Variants in AP1S3 observed in about 807,000 individuals in gnomAD.
AP1S3 encodes the protein adaptor related protein complex 1 subunit sigma 3, also known as AP-1 complex subunit sigma-3.
A neutral mutation model predicts 20.9 loss-of-function variants in AP1S3; 10 were observed. The ratio of observed to expected loss-of-function variants is 0.48; its 90% CI spans 0.29 to 0.81. The LOEUF (loss-of-function observed/expected upper bound fraction) is 0.81. Among genes scored for constraint, AP1S3 ranks in the 30% least tolerant of loss-of-function variants. The pLI is 0.08. For missense variants in AP1S3, 154 were observed against 183.8 expected (o/e 0.84, Z 0.94); for synonymous variants, 41 against 61.5 (o/e 0.67, Z 1.56).
In AP1S3 at chr2:223,757,632, G is replaced by A. The variant is rs1690252563; in HGVS notation, c.*1083C>T. 1 of 985,160 alleles carries A rather than the reference G, an allele frequency of 1.0e-6. No individual in the cohort carries two copies. The highest frequency in any genetic ancestry group is 1.2e-6 in the Non-Finnish European group (1 of 829,918). The allele number at this position is 985,160 out of a possible 1,614,324, so 61.0% of individuals were successfully genotyped here. ...ATATGTCTGATCACTGTTAGGACCT[G>A]GTTATACAGAATTTTCATTCCAGGA... On this transcript the variant is annotated 3_prime_UTR_variant, in exon 5 of 5. Coordinates refer to ENST00000396654, the MANE Select transcript of AP1S3 (RefSeq NM_001039569.2).
chr2:223,794,042 T>G (rs146394526), intron 1 of AP1S3, among the ~76,000 whole-genome samples: 3 of 152,306 alleles, frequency 2.0e-5, no homozygotes, highest in African/African-American at 7.2e-5. Flanking sequence ...GCTATCACCT[T>G]TGGATTAAAG....
intron 1 of AP1S3, among the ~76,000 whole-genome samples, chr2:223,800,213 T>TAA (rs59645201): frequency 7.5e-6 from 1 of 132,816 alleles, no homozygotes. Context: ...AGATTGCGTC[T>TAA]AAAAAAAAAA....
intron 1 of AP1S3, among the ~76,000 whole-genome samples, chr2:223,798,370 G>T (rs897927613): frequency 6.6e-6 from 1 of 152,150 alleles, no homozygotes; most frequent in African/African-American, 2.4e-5. Flanking sequence ...AAATTAAGTG[G>T]ATCTGAGGGG....
At chr2:223,813,399 A>G (rs1691777869) in intron 1 of AP1S3, among the ~76,000 whole-genome samples, 1 of 152,220 alleles carries the variant, frequency 6.6e-6, no homozygotes, top group African/African-American at 2.4e-5. Context: ...ATCATTTACT[A>G]CATGTCACGT....
Position 223,837,452 on chromosome 2 carries a change from G to T in AP1S3, c.-2C>A. On this transcript the variant is annotated 5_prime_UTR_variant, in exon 1 of 5. Transcript: ENST00000396654. ...CGGCGGTTCCCCCGCACTCACCATC[G>T]TGGCTGGGCCGCCGCCTCCCCCGCC... 2.4e-6 allele frequency: 3 copies of T among 1,274,792 alleles called. No individual in the cohort carries two copies. The highest frequency in any genetic ancestry group is 3.0e-6 in the Non-Finnish European group (3 of 1,008,428). The allele number at this position is 1,274,792 out of a possible 1,614,324, so 79.0% of individuals were successfully genotyped here.
intron 1 of AP1S3, among the ~76,000 whole-genome samples, chr2:223,808,843 A>G (rs1191539564): frequency 6.6e-6 from 1 of 152,050 alleles, no homozygotes; most frequent in East Asian, 1.9e-4. Context: ...CCATCTCCAC[A>G]GAATTAGCTG....
At chr2:223,796,263 A>G (rs908775535) in intron 1 of AP1S3, among the ~76,000 whole-genome samples, 2 of 152,126 alleles carry the variant, frequency 1.3e-5, no homozygotes, top group African/African-American at 2.4e-5. Context: ...GGCAAAAACA[A>G]TCTCTGCTTC....
intron 1 of AP1S3, among the ~76,000 whole-genome samples, chr2:223,786,160 C>T (rs920411024): frequency 1.9e-4 from 29 of 152,132 alleles, no homozygotes; most frequent in African/African-American, 7.0e-4. Flanking sequence ...AACTGTGTAA[C>T]CGAAGTATCT....
chr2:223,824,646 T>C (rs966496312), intron 1 of AP1S3, among the ~76,000 whole-genome samples: 1 of 151,916 alleles, frequency 6.6e-6, no homozygotes, highest in Non-Finnish European at 1.5e-5. Context: ...CAAGTGATTC[T>C]CCTGCCTCAG....
chr2:223,827,831 G>A (rs944251318), intron 1 of AP1S3, among the ~76,000 whole-genome samples: 3 of 151,452 alleles, frequency 2.0e-5, no homozygotes, highest in African/African-American at 2.4e-5. Context: ...AGGCCAAGGC[G>A]GGCTGATCAC....
At chr2:223,825,420 A>G (rs1051533306) in intron 1 of AP1S3, among the ~76,000 whole-genome samples, 2 of 151,710 alleles carry the variant, frequency 1.3e-5, no homozygotes, top group African/African-American at 4.8e-5. Context: ...CTACTCACTG[A>G]CCCCTTCCCT....
intron 1 of AP1S3, among the ~76,000 whole-genome samples, chr2:223,832,057 A>C (rs1692272090): frequency 6.7e-6 from 1 of 149,350 alleles, no homozygotes; most frequent in Admixed American, 6.8e-5. Context: ...AGCCTGGGAG[A>C]CAGAGTAAGA....
intron 3 of AP1S3, among the ~76,000 whole-genome samples, chr2:223,766,081 G>A (rs188991854): frequency 2.0e-4 from 30 of 152,084 alleles, no homozygotes; most frequent in African/African-American, 5.5e-4. Context: ...CTCATTTCCC[G>A]TACTCACACA....
chr2:223,805,157 G>C (rs528769368), intron 1 of AP1S3, among the ~76,000 whole-genome samples: 2 of 152,302 alleles, frequency 1.3e-5, no homozygotes, highest in East Asian at 3.9e-4. Flanking sequence ...GCATGTTATG[G>C]GCCAGATGCC....
intron 1 of AP1S3, 79 bp downstream of exon 1, chr2:223,837,369 G>C: frequency 4.1e-6 from 3 of 733,336 alleles, no homozygotes; most frequent in Admixed American, 4.8e-5. Context: ...CCGCGCGCCC[G>C]GCCCGGACGC....
At chr2:223,829,056 G>A (rs1222892023) in intron 1 of AP1S3, among the ~76,000 whole-genome samples, 1 of 151,956 alleles carries the variant, frequency 6.6e-6, no homozygotes, top group East Asian at 1.9e-4. Context: ...AGCTGGTCTT[G>A]AACTCCTGAC....
At position 223,815,002 on chromosome 2, in the gene AP1S3, G is replaced by A. The variant is rs1268692000; in HGVS notation, c.3+22446C>T. Among the ~76,000 whole-genome samples the A allele has an allele frequency of 2.6e-5, 4 of 152,170 alleles. 1 individual carries two copies. Among genetic ancestry groups the A allele is most frequent in the South Asian group, 4.1e-4 (2 of 4,830 alleles). On this transcript the variant is annotated intron_variant, in intron 1 of 4. Transcript: ENST00000396654. ...GTTGCCAGGCTGGTCTTGAACTCCT[G>A]GGCTCAAGCAATTTTCCTGCCTTGG...
intron 3 of AP1S3, among the ~76,000 whole-genome samples, chr2:223,775,016 A>AGAAATCAATGTCATGGC (rs1470215992): frequency 2.0e-5 from 3 of 150,890 alleles, no homozygotes; most frequent in Admixed American, 1.3e-4. Flanking sequence ...GAGGCGCTTC[A>AGAAATCAATGTCATGGC]GAAATCAATG....
intron 3 of AP1S3, chr2:223,770,394 TC>T (rs1690590702): frequency 1.3e-6 from 2 of 1,539,882 alleles, no homozygotes; most frequent in Admixed American, 2.0e-5. Flanking sequence ...CTTTGACACG[TC>T]CCCAGGTCTG....
Sources: allele counts gnomAD v4.1 joint callset (sites outside exome capture counted in the v4.1 genomes callset), GRCh38; gene constraint gnomAD v4.1.1; transcripts MANE v1.5; gene names NCBI Gene and HGNC (gene_info 2026-07-23, HGNC 2026-07-21).